Variants in PRDM5 observed in about 807,000 individuals in gnomAD.
PRDM5 encodes PR domain zinc finger protein 5.
A neutral mutation model predicts 81.2 loss-of-function variants in PRDM5; 56 were observed. The observed-to-expected ratio is 0.69, with a 90% CI of 0.56 to 0.86. The LOEUF is 0.86. Ranked by LOEUF, PRDM5 falls within the 40% of genes least tolerant of loss-of-function variation. PRDM5 has a pLI of 0.00. For synonymous variants in PRDM5, 267 were observed against 256.4 expected (o/e 1.04, Z -0.39); for missense variants, 697 against 770.1 (o/e 0.91, Z 1.12).
At chr4:120,815,251 G>A (rs972514172) in intron 7 of PRDM5, among the ~76,000 whole-genome samples, 1 of 150,144 alleles carries the variant, frequency 6.7e-6, no homozygotes, top group African/African-American at 2.5e-5. Flanking sequence ...CTTGCCTTTT[G>A]CAATCATAGG....
chr4:120,883,128 T>C (rs1005668566), intron 2 of PRDM5, among the ~76,000 whole-genome samples: 3 of 152,198 alleles, frequency 2.0e-5, no homozygotes, highest in Non-Finnish European at 4.4e-5. Flanking sequence ...GTAGGAAACA[T>C]GAAAAGTTTA....
intron 8 of PRDM5, among the ~76,000 whole-genome samples, chr4:120,808,575 G>A (rs1440027548): frequency 6.6e-6 from 1 of 152,180 alleles, no homozygotes; most frequent in Non-Finnish European, 1.5e-5. Flanking sequence ...TGGGGTCACA[G>A]GTGGAGCTGC....
At chr4:120,793,358 C>T (rs1750863343) in intron 10 of PRDM5, among the ~76,000 whole-genome samples, 1 of 152,122 alleles carries the variant, frequency 6.6e-6, no homozygotes, top group Non-Finnish European at 1.5e-5. Context: ...AAGCTGAGGG[C>T]TCCCACTGAT....
rs552642072 is a variant in PRDM5 at position 120,823,573 on chromosome 4, C to T, written c.301-2228G>A. 2.2e-3 allele frequency among the ~76,000 whole-genome samples: 333 copies of T among 152,294 alleles called. 2 individuals are homozygous for T. The highest frequency in any genetic ancestry group is 4.0e-3 in the Non-Finnish European group (269 of 68,028). On this transcript the variant is annotated intron_variant, in intron 3 of 15. Transcript: ENST00000264808. Reference sequence around the variant, plus strand: ...CTACCCCAATACTATTAAGAAGTATCCTCTTAAGTCACTTCCTTGCATACA... The same window carrying T: ...CTACCCCAATACTATTAAGAAGTATTCTCTTAAGTCACTTCCTTGCATACA...
chr4:120,818,251 C>T (rs1754799682), intron 5 of PRDM5, 102 bp downstream of exon 5: 22 of 1,240,060 alleles, frequency 1.8e-5, no homozygotes, highest in Admixed American at 3.8e-5. Flanking sequence ...TGCGCGTGCG[C>T]GCGTGCACAC....
At chr4:120,844,229 G>A (rs1000508216) in intron 3 of PRDM5, among the ~76,000 whole-genome samples, 2 of 152,000 alleles carry the variant, frequency 1.3e-5, no homozygotes, top group African/African-American at 2.4e-5. Flanking sequence ...ATATTATAAA[G>A]ACAAAAACTA....
At chr4:120,837,289 C>T (rs916243976) in intron 3 of PRDM5, 13 of 152,296 alleles carry the variant, frequency 8.5e-5, no homozygotes, top group African/African-American at 2.9e-4. Flanking sequence ...CATTTGAAAT[C>T]TCATTTCATA....
At chr4:120,890,535 A>C (rs1336542635) in intron 2 of PRDM5, among the ~76,000 whole-genome samples, 1 of 152,232 alleles carries the variant, frequency 6.6e-6, no homozygotes, top group East Asian at 1.9e-4. Context: ...TTCATTGAGA[A>C]ATCACCACAC....
chr4:120,796,953 A>T (rs555187479), intron 10 of PRDM5, among the ~76,000 whole-genome samples: 1 of 152,328 alleles, frequency 6.6e-6, no homozygotes, highest in South Asian at 2.1e-4. Context: ...AGTATTTTGT[A>T]TCTCATGAAA....
intron 1 of PRDM5, among the ~76,000 whole-genome samples, chr4:120,920,739 T>A (rs1477533447): frequency 1.3e-5 from 2 of 152,232 alleles, no homozygotes; most frequent in African/African-American, 4.8e-5. Flanking sequence ...ATCTGCACAT[T>A]CACTTTGAAA....
At chr4:120,882,087 C>T (rs775616818) in intron 2 of PRDM5, among the ~76,000 whole-genome samples, 5 of 152,198 alleles carry the variant, frequency 3.3e-5, no homozygotes, top group African/African-American at 4.8e-5. Context: ...CCTCGCTCAG[C>T]GGGGTCCTAA....
At chr4:120,778,421 C>G (rs762306289) in intron 12 of PRDM5, among the ~76,000 whole-genome samples, 1 of 152,178 alleles carries the variant, frequency 6.6e-6, no homozygotes, top group South Asian at 2.1e-4. Flanking sequence ...GGGCAATTAC[C>G]TCATCACCTG....
At chr4:120,845,323 G>T (rs1176318205) in intron 3 of PRDM5, among the ~76,000 whole-genome samples, 1 of 152,202 alleles carries the variant, frequency 6.6e-6, no homozygotes, top group Non-Finnish European at 1.5e-5. Context: ...GTGACACCTG[G>T]ATTCAAAGCT....
chr4:120,710,816 G>A lies in PRDM5; in HGVS notation c.1624-403C>T, dbSNP rs113032945. Among the ~76,000 whole-genome samples, 3 of 152,182 alleles carry A rather than the reference G, an allele frequency of 2.0e-5. No homozygotes were observed. The East Asian group carries it at 5.8e-4, about 29-fold the overall frequency. On this transcript the variant is annotated intron_variant, in intron 14 of 15. Coordinates refer to ENST00000264808, the MANE Select transcript of PRDM5 (RefSeq NM_018699.4). ...AGTTTCCTGAGCTCTCCCCAGCCAT[G>A]CAGAACTGTAGTGTCAATTAAACCT...
chr4:120,854,398 T>C (rs955221023), intron 2 of PRDM5, among the ~76,000 whole-genome samples: 4 of 151,808 alleles, frequency 2.6e-5, no homozygotes, highest in Non-Finnish European at 4.4e-5. Flanking sequence ...AGGAAAGGAG[T>C]GAGTGATTAG....
chr4:120,828,255 G>A (rs1348606282), intron 3 of PRDM5, among the ~76,000 whole-genome samples: 2 of 152,052 alleles, frequency 1.3e-5, no homozygotes, highest in Non-Finnish European at 2.9e-5. Flanking sequence ...GAATTGTTTT[G>A]AGGATTAAAT....
intron 10 of PRDM5, among the ~76,000 whole-genome samples, chr4:120,793,918 C>A (rs948651366): frequency 6.6e-6 from 1 of 151,930 alleles, no homozygotes; most frequent in Non-Finnish European, 1.5e-5. Context: ...ACACAAATTT[C>A]ACTTGTCATT....
At chr4:120,884,954 T>C (rs1396650588) in intron 2 of PRDM5, among the ~76,000 whole-genome samples, 1 of 150,924 alleles carries the variant, frequency 6.6e-6, no homozygotes, top group Non-Finnish European at 1.5e-5. Context: ...ATCGAGACCA[T>C]CCTGGCTAAC....
chr4:120,764,583 GA>G (rs111790329), intron 13 of PRDM5, among the ~76,000 whole-genome samples: 7,837 of 147,662 alleles, frequency 0.053, 301 homozygotes, highest in African/African-American at 0.12. Flanking sequence ...GCTGAGTATA[GA>G]AAAAAAAAAC....
Sources: allele counts gnomAD v4.1 joint callset (sites outside exome capture counted in the v4.1 genomes callset), GRCh38; gene constraint gnomAD v4.1.1; transcripts MANE v1.5; gene names NCBI Gene and HGNC (gene_info 2026-07-23, HGNC 2026-07-21).